Variants in PAXIP1 observed in about 807,000 individuals in gnomAD.
The protein encoded by PAXIP1 is PAX interacting protein 1.
In PAXIP1, 19 loss-of-function variants were observed where a neutral mutation model predicts 140.6. The ratio of observed to expected loss-of-function variants is 0.14; its 90% confidence interval spans 0.09 to 0.20. PAXIP1 has a LOEUF of 0.20. Among genes scored for constraint, PAXIP1 ranks in the 10% least tolerant of loss-of-function variants. The pLI, the probability that PAXIP1 is intolerant of heterozygous loss-of-function variation, is 1.00. For synonymous variants in PAXIP1, 442 were observed against 444.6 expected (o/e 0.99, Z 0.07); for missense variants, 920 against 1,208.6 (o/e 0.76, Z 3.54).
At chr7:154,955,772 G>GCTAT (rs770966005) in intron 14 of PAXIP1, 141 bp from the exon 15 acceptor site, 1 of 529,074 alleles carries the variant, frequency 1.9e-6, no homozygotes, top group Non-Finnish European at 3.4e-6. Flanking sequence ...AATACAATGA[G>GCTAT]CTATCTGTCC....
At chr7:154,950,463 C>T (rs1366267325) in intron 16 of PAXIP1, 1 of 152,188 alleles carries the variant, frequency 6.6e-6, no homozygotes, top group Non-Finnish European at 1.5e-5. Context: ...GGCCAAAACC[C>T]AGAGCACTAA....
At chr7:154,955,198 A>T (rs1808450834) in intron 15 of PAXIP1, among the ~76,000 whole-genome samples, 3 of 152,356 alleles carry the variant, frequency 2.0e-5, no homozygotes, top group South Asian at 4.1e-4. Flanking sequence ...AGAGATCTTG[A>T]AAAGACAGTT....
At chr7:154,952,465 T>C (rs1343743620) in intron 16 of PAXIP1, among the ~76,000 whole-genome samples, 1 of 152,226 alleles carries the variant, frequency 6.6e-6, no homozygotes. Context: ...TTTATGTTGG[T>C]GATTTTGCTG....
Position 154,968,827 on chromosome 7 carries a change from G to T in PAXIP1, c.1374C>A (p.Ala458=). The T allele has an allele frequency of 1.4e-6, 1 of 739,594 alleles. No homozygotes were observed. The allele number at this position is 739,594 out of a possible 1,614,324, so 45.8% of individuals were successfully genotyped here. Residue 458 remains alanine (A), a synonymous_variant, in exon 7 of 21, where the codon GCC becomes GCA. Coordinates refer to ENST00000404141, the MANE Select transcript of PAXIP1 (RefSeq NM_007349.4). ...FSQQQQQQQQ[A]HPHQFSQQQL... ...GTTGCTGTGAAAACTGATGCGGATG[G>T]GCTTGCTGCTGCTGCTGCTGTTGCT...
In PAXIP1 at chr7:154,967,900, T is replaced by G. The variant is rs1809094354; in HGVS notation, c.1809A>C (p.Glu603Asp). Residue 603 changes from glutamate (E) to aspartate (D), a missense_variant, in exon 8 of 21, where the codon GAA becomes GAC. By Grantham distance (45) the Glu-to-Asp change is conservative (BLOSUM62 2). Around this residue, in one of 5 missense-constraint regions of PAXIP1, gnomAD observed 62 missense variants for 69.0 expected, o/e 0.90. Coordinates refer to ENST00000404141, the MANE Select transcript of PAXIP1 (RefSeq NM_007349.4). ...GHDPAVEIPE[E>D]GFLLGCVFAI... ...CAAACACACATCCCAATAAGAAGCC[T>G]TCTTCTGGAACTAGAGTAAAATTAC... The G allele has an allele frequency of 6.2e-7, 1 of 1,611,042 alleles. No individual in the cohort carries two copies. The highest frequency in any genetic ancestry group is 8.5e-7 in the Non-Finnish European group (1 of 1,177,884).
chr7:154,983,763 GA>G (rs1809947765), intron 4 of PAXIP1: 1 of 153,816 alleles, frequency 6.5e-6, no homozygotes, highest in African/African-American at 2.4e-5. Flanking sequence ...TATGCTAATG[GA>G]TAACAAATAC....
chr7:154,996,676 T>C (rs1186268608), intron 2 of PAXIP1, among the ~76,000 whole-genome samples: 1 of 152,228 alleles, frequency 6.6e-6, no homozygotes, highest in Non-Finnish European at 1.5e-5. Context: ...GCAGCAGCCA[T>C]GCCCAAGTGT....
chr7:154,995,634 G>A (rs1433817187), intron 2 of PAXIP1, among the ~76,000 whole-genome samples: 2 of 152,226 alleles, frequency 1.3e-5, no homozygotes, highest in African/African-American at 4.8e-5. Flanking sequence ...CGGATCACTT[G>A]AGGTGACAGG....
chr7:154,974,990 C>CAAAAAAA (rs59174178), intron 6 of PAXIP1, among the ~76,000 whole-genome samples: 1 of 122,210 alleles, frequency 8.2e-6, no homozygotes, highest in Non-Finnish European at 1.7e-5. Context: ...ACTAAAAATA[C>CAAAAAAA]AAAAAAAAAA....
intron 6 of PAXIP1, among the ~76,000 whole-genome samples, chr7:154,969,462 A>G (rs530944461): frequency 6.6e-6 from 1 of 152,340 alleles, no homozygotes; most frequent in East Asian, 1.9e-4. Context: ...CTGGTAGCTA[A>G]GCCTTGGTGC....
At position 154,978,728 on chromosome 7, in the gene PAXIP1, C is replaced by A. The variant is rs78252796; in HGVS notation, c.439-2397G>T. On this transcript the variant is annotated intron_variant, in intron 5 of 20. Coordinates refer to ENST00000404141, the MANE Select transcript of PAXIP1 (RefSeq NM_007349.4). ...GTAATATGGTTTACATATGATTTTT[C>A]CAAGTTAAAAAGATATCTGTTGAAA... is the stretch of plus-strand genomic sequence containing the variant. 8.4e-4 allele frequency among the ~76,000 whole-genome samples: 127 copies of A among 152,058 alleles called. No individual in the cohort carries two copies. The East Asian group carries it at 0.013, about 15-fold the overall frequency.
At chr7:154,947,074 G>T in intron 17 of PAXIP1, 1 of 314,012 alleles carries the variant, frequency 3.2e-6, no homozygotes, top group Non-Finnish European at 5.9e-6. Context: ...CTAAAACAAA[G>T]TGTTTTGTGA....
At chr7:154,996,087 A>G (rs1330084677) in intron 2 of PAXIP1, among the ~76,000 whole-genome samples, 1 of 152,216 alleles carries the variant, frequency 6.6e-6, no homozygotes, top group Non-Finnish European at 1.5e-5. Flanking sequence ...AGGCCAAGGG[A>G]TATGCCTCTA....
At position 154,944,324 on chromosome 7, in the gene PAXIP1, T is replaced by A. The variant is rs1434641225; in HGVS notation, c.3195-160A>T. ...CCAGTCGCTCTGCTGCATACCCACA[T>A]CACAGGAGGCCCTCAGCCCCGACAC... On this transcript the variant is annotated intron_variant, in intron 20 of 20. Coordinates refer to ENST00000404141, the MANE Select transcript of PAXIP1 (RefSeq NM_007349.4). 5.2e-6 allele frequency: 3 copies of A among 575,202 alleles called. No individual in the cohort carries two copies. In the Admixed American group the frequency reaches 9.5e-5, roughly 18 times the overall value. The allele number at this position is 575,202 out of a possible 1,614,324, so 35.6% of individuals were successfully genotyped here.
At chr7:154,969,525 C>T (rs1308398242) in intron 6 of PAXIP1, among the ~76,000 whole-genome samples, 2 of 152,246 alleles carry the variant, frequency 1.3e-5, no homozygotes, top group East Asian at 3.9e-4. Context: ...GCATCAGCTC[C>T]GCAGACCCTC....
rs879374724 is a variant in PAXIP1, at chr7:154,986,444, G to A, written c.325-3112C>T. Among the ~76,000 whole-genome samples the A allele has an allele frequency of 5.3e-5, 8 of 152,124 alleles. No homozygotes were observed. Among genetic ancestry groups the A allele is most frequent in the Non-Finnish European group, 8.8e-5 (6 of 68,026 alleles). ...TTTGCCCAAGGCCTGACCCCTCCTA[G>A]ACTGTATGTTTACTGAGAGAGAAAT... On this transcript the variant is annotated intron_variant, in intron 4 of 20. Transcript: ENST00000404141. The surrounding 1 kb of genome is among the most constrained non-coding windows in gnomAD (Gnocchi z 4.8).
At position 154,983,190 on chromosome 7, in the gene PAXIP1, A is replaced by T. The variant is rs751916780; in HGVS notation, c.438+29T>A. On this transcript the variant is annotated intron_variant, in intron 5 of 20. Transcript: ENST00000404141. ...TACTAGAAATTCTTAAATGACATACAAAAAGAAGGTGGCACAAGAAACGCT... is the reference window on the plus strand; with the variant it reads ...TACTAGAAATTCTTAAATGACATACTAAAAGAAGGTGGCACAAGAAACGCT... The T allele has an allele frequency of 1.0e-5, 12 of 1,149,368 alleles. No individual in the cohort carries two copies. The East Asian group carries it at 2.9e-4, about 28-fold the overall frequency. The allele number at this position is 1,149,368 out of a possible 1,614,324, so 71.2% of individuals were successfully genotyped here.
rs762308883 is a variant in PAXIP1 at position 154,986,002 on chromosome 7, T to C, written c.325-2670A>G. 3.4e-5 allele frequency: 46 copies of C among 1,364,652 alleles called. No individual in the cohort carries two copies. Among genetic ancestry groups the C allele is most frequent in the Non-Finnish European group, 4.3e-5 (44 of 1,021,104 alleles). The allele number at this position is 1,364,652 out of a possible 1,614,324, so 84.5% of individuals were successfully genotyped here. ...GGCTCTCCATTACACTCTTGACCTA[T>C]TCCCCAAAACCTACCCAGCACATTA... is the stretch of plus-strand genomic sequence containing the variant. On this transcript the variant is annotated intron_variant, in intron 4 of 20. Coordinates refer to ENST00000404141, the MANE Select transcript of PAXIP1 (RefSeq NM_007349.4). This position sits in a 1 kb window ranked among gnomAD's most constrained non-coding sequence, Gnocchi z 4.8.
At chr7:154,949,464 A>C (rs1051166698) in intron 16 of PAXIP1, 5 of 152,190 alleles carry the variant, frequency 3.3e-5, no homozygotes, top group Non-Finnish European at 5.9e-5. Context: ...TAAAATTTGG[A>C]AAAACAAAAA....
Sources: allele counts gnomAD v4.1 joint callset (sites outside exome capture counted in the v4.1 genomes callset), GRCh38; gene constraint gnomAD v4.1.1; regional missense constraint gnomAD v4.1.1; non-coding constraint Gnocchi (gnomAD v3.1); transcripts MANE v1.5; gene names NCBI Gene and HGNC (gene_info 2026-07-23, HGNC 2026-07-21).